The following TMEM8B variants were observed in gnomAD, a reference collection of about 807,000 sequenced individuals.
TMEM8B encodes the protein transmembrane protein 8B, also known as nasopharyngeal carcinoma expressed 6.
A neutral mutation model predicts 49.3 loss-of-function variants in TMEM8B; 29 were observed. That is an observed-to-expected ratio of 0.59 (90% confidence interval 0.44 to 0.80). The LOEUF (loss-of-function observed/expected upper bound fraction) is 0.80. Among genes scored for constraint, TMEM8B ranks in the 30% least tolerant of loss-of-function variants. The probability of loss-of-function intolerance (pLI) is 0.00; values close to 1 mark genes in which losing one functional copy is unlikely to be tolerated. For synonymous variants in TMEM8B, 264 were observed against 272.8 expected (o/e 0.97, Z 0.32); for missense variants, 575 against 658.5 (o/e 0.87, Z 1.39).
At position 35,855,231 on chromosome 9, in the gene TMEM8B, C is replaced by T. The variant is rs1832475836; in HGVS notation, c.*1391C>T. On this transcript the variant is annotated 3_prime_UTR_variant, in exon 13 of 13. Transcript: ENST00000643932. ...ACAGACAAGGCATGAGTTGCTGCAT[C>T]TGTTAAAACTGCAAATCTATCTTGG... The T allele has an allele frequency of 1.3e-5, 2 of 152,250 alleles. No individual in the cohort carries two copies. Among genetic ancestry groups the T allele is most frequent in the Non-Finnish European group, 2.9e-5 (2 of 68,064 alleles). The allele number at this position is 152,250 out of a possible 1,614,324, so 9.4% of individuals were successfully genotyped here. A position where few individuals can be genotyped will look rare whatever the true frequency, so the allele number is the denominator to read the frequency against.
At position 35,829,645 on chromosome 9, in the gene TMEM8B, C is replaced by G. The variant is rs1829654431; in HGVS notation, c.198C>G (p.Ala66=). The G allele has an allele frequency of 2.5e-6, 1 of 400,820 alleles. No homozygotes were observed. The highest frequency in any genetic ancestry group is 4.4e-5 in the Admixed American group (1 of 22,720). The allele number at this position is 400,820 out of a possible 1,614,324, so 24.8% of individuals were successfully genotyped here. A position where few individuals can be genotyped will look rare whatever the true frequency, so the allele number is the denominator to read the frequency against. The change falls in exon 1 of 13, where the codon GCC becomes GCG. Residue 66 remains alanine, a synonymous_variant. Coordinates refer to ENST00000643932, the MANE Select transcript of TMEM8B (RefSeq NM_001042590.4). ...TCCACCCCCTGTCACAAATCCCAGCCCAGGCCCTGTCCCAGCCCCATTCCC... is the reference window on the plus strand; with the variant it reads ...TCCACCCCCTGTCACAAATCCCAGCGCAGGCCCTGTCCCAGCCCCATTCCC... ...PSFHPLSQIP[A]QALSQPHSQC...
rs899132001 is a variant in TMEM8B at position 35,857,224 on chromosome 9, G to A, written c.*3384G>A. On this transcript the variant is annotated 3_prime_UTR_variant, in exon 13 of 13. Coordinates refer to ENST00000643932, the MANE Select transcript of TMEM8B (RefSeq NM_001042590.4). ...GCAAACCTTCCATAGGGAACATGCT[G>A]TGGGAGCTACAGAGATGAGCCAGAC... The A allele has an allele frequency of 6.6e-6, 1 of 152,276 alleles. No individual in the cohort carries two copies. Among genetic ancestry groups the A allele is most frequent in the African/African-American group, 2.4e-5 (1 of 41,456 alleles). 9.4% of individuals were successfully genotyped at this position (152,276 alleles called of 1,614,324 possible).
chr9:35,842,248 GCCCCACACTCCCAAGGGA>G lies in TMEM8B; in HGVS notation c.1310-142_1310-125del. On this transcript the variant is annotated intron_variant, in intron 5 of 12. Coordinates refer to ENST00000643932, the MANE Select transcript of TMEM8B (RefSeq NM_001042590.4). The surrounding 1 kb of genome is among the most constrained non-coding windows in gnomAD (Gnocchi z 5.6). ...TTAGGAAACCCCTATAAACCTGGAT[GCCCCACACTCCCAAGGGA>G]CATCGCATTCTAGTTCTCATCCTTC... is the stretch of plus-strand genomic sequence containing the variant. 1.7e-6 allele frequency: 1 copy of G among 574,146 alleles called. No individual in the cohort carries two copies. The highest frequency in any genetic ancestry group is 2.9e-6 in the Non-Finnish European group (1 of 350,334). The allele number at this position is 574,146 out of a possible 1,614,324, so 35.6% of individuals were successfully genotyped here. A position where few individuals can be genotyped will look rare whatever the true frequency, so the allele number is the denominator to read the frequency against.
At position 35,855,835 on chromosome 9, in the gene TMEM8B, A is replaced by ATGGTG. The variant is rs1832518997; in HGVS notation, c.*1999_*2003dup. On this transcript the variant is annotated 3_prime_UTR_variant, in exon 13 of 13. Transcript: ENST00000643932. Reference sequence around the variant, plus strand: ...TCTTCCATGGGGCACTGAGCAGAGAATGGTGTGGCCAAGTGAGTAGTGAGA... The same window carrying ATGGTG: ...TCTTCCATGGGGCACTGAGCAGAGAATGGTGTGGTGTGGCCAAGTGAGTAGTGAGA... 6.6e-6 allele frequency: 1 copy of ATGGTG among 152,250 alleles called. No homozygotes were observed. Among genetic ancestry groups the ATGGTG allele is most frequent in the Non-Finnish European group, 1.5e-5 (1 of 68,052 alleles). 9.4% of individuals were successfully genotyped at this position (152,250 alleles called of 1,614,324 possible).
chr9:35,842,561 T>G lies in TMEM8B; in HGVS notation c.1479T>G (p.Thr493=). Residue 493 remains threonine (T), a synonymous_variant, in exon 6 of 13, where the codon ACT becomes ACG. Coordinates refer to ENST00000643932, the MANE Select transcript of TMEM8B (RefSeq NM_001042590.4). This position sits in a 1 kb window ranked among gnomAD's most constrained non-coding sequence, Gnocchi z 5.6. ...AGCACTGCTGGCCAGTGCGCCCGAC[T>G]CTGCGCAACGAGCTGGACACCTTCT... is the stretch of plus-strand genomic sequence containing the variant. ...PPEHCWPVRP[T]LRNELDTFSV... The G allele has an allele frequency of 6.2e-7, 1 of 1,614,238 alleles. No individual in the cohort carries two copies. Among genetic ancestry groups the G allele is most frequent in the Non-Finnish European group, 8.5e-7 (1 of 1,180,038 alleles).
rs373234581 is a variant in TMEM8B at position 35,842,696 on chromosome 9, C to T, written c.1614C>T (p.Ser538=). ...LPVLDSGGVL[S]LELQLNASSV... Reference sequence around the variant, plus strand: ...TGCTGGACAGTGGAGGCGTCCTCAGCCTGGAGCTCCAGCTCAATGCGGTAC... The same window carrying T: ...TGCTGGACAGTGGAGGCGTCCTCAGTCTGGAGCTCCAGCTCAATGCGGTAC... The change falls in exon 6 of 13, where the codon AGC becomes AGT. Residue 538 remains serine, a synonymous_variant. Transcript: ENST00000643932. The surrounding 1 kb of genome is among the most constrained non-coding windows in gnomAD (Gnocchi z 5.6). 1.9e-6 allele frequency: 3 copies of T among 1,613,214 alleles called. No individual in the cohort carries two copies. The African/African-American group carries it at 4.0e-5, about 22-fold the overall frequency.
Position 35,864,345 on chromosome 9 carries a change from T to C in TMEM8B, c.*10505T>C, listed in dbSNP as rs576074345. 1 of 150,910 alleles carries C rather than the reference T, an allele frequency of 6.6e-6. No homozygotes were observed. Among genetic ancestry groups the C allele is most frequent in the South Asian group, 2.1e-4 (1 of 4,822 alleles). 9.3% of individuals were successfully genotyped at this position (150,910 alleles called of 1,614,324 possible). Reference sequence around the variant, plus strand: ...TACTTATTTTAGGCTTCACAAATTATTTTAAAAGAAAAGATAGGGGCATAA... The same window carrying C: ...TACTTATTTTAGGCTTCACAAATTACTTTAAAAGAAAAGATAGGGGCATAA... On this transcript the variant is annotated 3_prime_UTR_variant, in exon 13 of 13. Transcript: ENST00000643932.
chr9:35,838,731 T>G (rs1015844970), intron 3 of TMEM8B, among the ~76,000 whole-genome samples: 3 of 152,214 alleles, frequency 2.0e-5, no homozygotes, highest in Admixed American at 6.5e-5. Flanking sequence ...TCCATGCTTC[T>G]TTCTCTAGTC....
intron 1 of TMEM8B, among the ~76,000 whole-genome samples, chr9:35,831,236 G>A (rs1164720544): frequency 1.3e-5 from 2 of 152,116 alleles, no homozygotes; most frequent in Non-Finnish European, 2.9e-5. Flanking sequence ...GTGTAGACAC[G>A]TGCATGTGTG....
In TMEM8B at chr9:35,862,668, T is replaced by C. The variant is rs1292895469; in HGVS notation, c.*8828T>C. On this transcript the variant is annotated 3_prime_UTR_variant, in exon 13 of 13. Transcript: ENST00000643932. ...GTCCCATCCCTCTTCTTGGGCAGTTTCTTCAGGCTGGAGTGCCTTTCTTTT... is the reference window on the plus strand; with the variant it reads ...GTCCCATCCCTCTTCTTGGGCAGTTCCTTCAGGCTGGAGTGCCTTTCTTTT... 6.6e-6 allele frequency: 1 copy of C among 152,290 alleles called. No homozygotes were observed. Among genetic ancestry groups the C allele is most frequent in the Non-Finnish European group, 1.5e-5 (1 of 68,110 alleles). The allele number at this position is 152,290 out of a possible 1,614,324, so 9.4% of individuals were successfully genotyped here.
rs1258455038 is a variant in TMEM8B, at chr9:35,862,114, T to C, written c.*8274T>C. ...CTCATTCATTCACTTATTCAACAAA[T>C]AGTTATTGAGCACCTACTATGTGTT... On this transcript the variant is annotated 3_prime_UTR_variant, in exon 13 of 13. Transcript: ENST00000643932. The C allele has an allele frequency of 6.6e-6, 1 of 152,170 alleles. No individual in the cohort carries two copies. The highest frequency in any genetic ancestry group is 1.5e-5 in the Non-Finnish European group (1 of 68,044). The allele number at this position is 152,170 out of a possible 1,614,324, so 9.4% of individuals were successfully genotyped here.
At chr9:35,846,425 CGGG>C (rs1321062295) in intron 8 of TMEM8B, 41 bp from the exon 9 acceptor site, 2 of 1,598,424 alleles carry the variant, frequency 1.3e-6, no homozygotes, top group Admixed American at 1.7e-5. Context: ...CGGGACTTGG[CGGG>C]GGTGGCCCGG....
At position 35,829,308 on chromosome 9, in the gene TMEM8B, A is replaced by ACTC; in HGVS notation, c.-137_-135dup. ...GCAGCCCGGAGTCGCCCAGGCCTGA[A>ACTC]CTCCTACCCAGGTCCCCGGCCCCCG... On this transcript the variant is annotated 5_prime_UTR_variant, in exon 1 of 13. Transcript: ENST00000643932. 2.7e-6 allele frequency: 1 copy of ACTC among 364,852 alleles called. No individual in the cohort carries two copies. Among genetic ancestry groups the ACTC allele is most frequent in the East Asian group, 4.0e-5 (1 of 24,792 alleles). The allele number at this position is 364,852 out of a possible 1,614,324, so 22.6% of individuals were successfully genotyped here. A position where few individuals can be genotyped will look rare whatever the true frequency, so the allele number is the denominator to read the frequency against.
At chr9:35,832,476 C>T (rs1017041375) in intron 1 of TMEM8B, among the ~76,000 whole-genome samples, 1 of 152,138 alleles carries the variant, frequency 6.6e-6, no homozygotes, top group African/African-American at 2.4e-5. Flanking sequence ...CTGGCCTATT[C>T]TGTGACCTCT....
At chr9:35,835,283 C>CA (rs1830333005) in intron 3 of TMEM8B, 65 bp downstream of exon 3, 1 of 410,908 alleles carries the variant, frequency 2.4e-6, no homozygotes, top group South Asian at 1.3e-4. Flanking sequence ...GAATTCCCCC[C>CA]ACAGGCTCTC....
chr9:35,865,246 G>A lies in TMEM8B; in HGVS notation c.*11406G>A, dbSNP rs1177012118. The A allele has an allele frequency of 6.6e-6, 1 of 152,206 alleles. No individual in the cohort carries two copies. Among genetic ancestry groups the A allele is most frequent in the African/African-American group, 2.4e-5 (1 of 41,440 alleles). The allele number at this position is 152,206 out of a possible 1,614,324, so 9.4% of individuals were successfully genotyped here. The stretch of plus-strand genomic sequence containing the variant: ...CTGGGTGTCTGGGTTGTGAAATGGG[G>A]TGTCTCCTTCCAGGATTGCCGTAAG... On this transcript the variant is annotated 3_prime_UTR_variant, in exon 13 of 13. Coordinates refer to ENST00000643932, the MANE Select transcript of TMEM8B (RefSeq NM_001042590.4).
chr9:35,847,400 C>A (rs999798540), intron 10 of TMEM8B, among the ~76,000 whole-genome samples: 1 of 152,190 alleles, frequency 6.6e-6, no homozygotes, highest in African/African-American at 2.4e-5. Flanking sequence ...ACAGTGTCTT[C>A]ATCTTCACCA....
In TMEM8B at chr9:35,842,350, T is replaced by TAAAGGCTGCA; in HGVS notation, c.1310-41_1310-32dup. 7.0e-7 allele frequency: 1 copy of TAAAGGCTGCA among 1,424,716 alleles called. No individual in the cohort carries two copies. Among genetic ancestry groups the TAAAGGCTGCA allele is most frequent in the Non-Finnish European group, 9.3e-7 (1 of 1,070,180 alleles). The allele number at this position is 1,424,716 out of a possible 1,614,324, so 88.3% of individuals were successfully genotyped here. A position where few individuals can be genotyped will look rare whatever the true frequency, so the allele number is the denominator to read the frequency against. The stretch of plus-strand genomic sequence containing the variant: ...GTGTTTATGAGTAAGTTCAGGACTG[T>TAAAGGCTGCA]AAAGGCTGCAGGCCCAAGCTCTGGT... On this transcript the variant is annotated intron_variant, in intron 5 of 12. Coordinates refer to ENST00000643932, the MANE Select transcript of TMEM8B (RefSeq NM_001042590.4). This position sits in a 1 kb window ranked among gnomAD's most constrained non-coding sequence, Gnocchi z 5.6.
At chr9:35,833,055 A>G (rs1337304255) in intron 1 of TMEM8B, among the ~76,000 whole-genome samples, 1 of 152,068 alleles carries the variant, frequency 6.6e-6, no homozygotes, top group Non-Finnish European at 1.5e-5. Context: ...CGTGGCCTCC[A>G]ATGGCCCCCA....
Sources: gnomAD v4.1 joint callset for allele counts (sites outside exome capture counted in the v4.1 genomes callset) on GRCh38, gnomAD v4.1.1 for gene constraint, Gnocchi (gnomAD v3.1) non-coding constraint, MANE v1.5 for transcripts, NCBI Gene and HGNC (gene_info 2026-07-23, HGNC 2026-07-21) for gene names.